Variants in LRP1B observed in about 807,000 individuals in gnomAD.
The protein encoded by LRP1B is low-density lipoprotein receptor-related protein 1B.
LRP1B carries 217 observed loss-of-function variants against 556.6 expected under a neutral mutation model. The ratio of observed to expected loss-of-function variants is 0.39; its 90% CI spans 0.35 to 0.44. The LOEUF (loss-of-function observed/expected upper bound fraction) is 0.44, where lower values mean the gene tolerates loss of function less well. Among genes scored for constraint, LRP1B ranks in the 20% least tolerant of loss-of-function variants. The pLI is 1.00. For missense variants in LRP1B, 5,053 were observed against 5,620.8 expected (o/e 0.90, Z 3.23); for synonymous variants, 2,047 against 1,865.8 (o/e 1.10, Z -2.50).
chr2:141,955,477 T>A (rs56350000), intron 1 of LRP1B, among the ~76,000 whole-genome samples: 1 of 152,100 alleles, frequency 6.6e-6, no homozygotes, highest in East Asian at 1.9e-4. Flanking sequence ...AATGTGGACA[T>A]TGTATAAATG....
At chr2:142,088,401 T>C (rs186750962) in intron 1 of LRP1B, among the ~76,000 whole-genome samples, 6 of 152,326 alleles carry the variant, frequency 3.9e-5, no homozygotes, top group Non-Finnish European at 2.9e-5. Flanking sequence ...TTGTAAATAG[T>C]ACATGAGAAA....
At chr2:140,253,689 T>A (rs2104911950) in intron 86 of LRP1B, among the ~76,000 whole-genome samples, 1 of 152,230 alleles carries the variant, frequency 6.6e-6, no homozygotes, top group Middle Eastern at 3.4e-3. Context: ...TGAAAGCTGA[T>A]GAGGAAGATA....
At chr2:140,374,916 T>C (rs914758524) in intron 68 of LRP1B, among the ~76,000 whole-genome samples, 1 of 152,056 alleles carries the variant, frequency 6.6e-6, no homozygotes, top group Non-Finnish European at 1.5e-5. Flanking sequence ...TATTGTTTGG[T>C]AAAGTAAGGA....
At chr2:140,855,288 C>A (rs1692580425) in intron 27 of LRP1B, among the ~76,000 whole-genome samples, 1 of 147,008 alleles carries the variant, frequency 6.8e-6, no homozygotes, top group African/African-American at 2.5e-5. Context: ...AAACTCCTAA[C>A]TAATCTTTGA....
At chr2:140,633,093 A>G (rs912470677) in intron 41 of LRP1B, among the ~76,000 whole-genome samples, 2 of 151,886 alleles carry the variant, frequency 1.3e-5, no homozygotes, top group Non-Finnish European at 2.9e-5. Context: ...AAAAGAAAAA[A>G]GAAACCCACA....
intron 18 of LRP1B, among the ~76,000 whole-genome samples, chr2:140,967,469 A>G (rs1471364773): frequency 1.3e-5 from 2 of 152,182 alleles, no homozygotes; most frequent in African/African-American, 4.8e-5. Context: ...TAAATATACA[A>G]TCATGTCATC....
intron 83 of LRP1B, among the ~76,000 whole-genome samples, chr2:140,303,614 G>C (rs1683935617): frequency 2.0e-5 from 3 of 152,064 alleles, no homozygotes; most frequent in African/African-American, 7.2e-5. Context: ...TGGTGAAGAT[G>C]TAATTAAAAT....
chr2:141,288,190 C>G (rs957182493), intron 3 of LRP1B, among the ~76,000 whole-genome samples: 9 of 150,252 alleles, frequency 6.0e-5, no homozygotes, highest in African/African-American at 2.0e-4. Flanking sequence ...TCTTTTCTAT[C>G]TTTATAGATT....
intron 1 of LRP1B, among the ~76,000 whole-genome samples, chr2:141,966,120 G>T (rs565666870): frequency 6.6e-6 from 1 of 151,796 alleles, no homozygotes; most frequent in African/African-American, 2.4e-5. Flanking sequence ...ATTAAGTGGA[G>T]CAAGGCTTAT....
chr2:140,748,591 G>GTGTCTA (rs1361412390), intron 35 of LRP1B, among the ~76,000 whole-genome samples: 1 of 73,330 alleles, frequency 1.4e-5, no homozygotes, highest in African/African-American at 5.4e-5. Flanking sequence ...TATACAGTGT[G>GTGTCTA]TATATATATA....
At chr2:141,076,852 G>T (rs1699800253) in intron 7 of LRP1B, among the ~76,000 whole-genome samples, 1 of 152,098 alleles carries the variant, frequency 6.6e-6, no homozygotes. Flanking sequence ...GAATACTCAG[G>T]GATGACTGAG....
At chr2:140,292,600 A>G (rs977665107) in intron 84 of LRP1B, among the ~76,000 whole-genome samples, 2 of 152,110 alleles carry the variant, frequency 1.3e-5, no homozygotes, top group Non-Finnish European at 2.9e-5. Flanking sequence ...AATTTTCTAA[A>G]GGCTAAACTC....
intron 2 of LRP1B, among the ~76,000 whole-genome samples, chr2:141,630,613 C>T (rs1385178482): frequency 2.6e-5 from 4 of 152,154 alleles, no homozygotes; most frequent in East Asian, 3.9e-4. Flanking sequence ...GAAAAAGTCA[C>T]GACAGATGGT....
At chr2:140,278,668 G>A (rs1336830208) in intron 84 of LRP1B, among the ~76,000 whole-genome samples, 1 of 151,904 alleles carries the variant, frequency 6.6e-6, no homozygotes, top group Non-Finnish European at 1.5e-5. Context: ...TGGGAAATAA[G>A]CAAATATTAG....
At chr2:141,534,425 CTT>C (rs990182093) in intron 2 of LRP1B, among the ~76,000 whole-genome samples, 1 of 152,210 alleles carries the variant, frequency 6.6e-6, no homozygotes, top group Admixed American at 6.5e-5. Context: ...CATTTTTACT[CTT>C]TTAAAGGCCT....
chr2:141,631,188 T>G (rs903584564), intron 2 of LRP1B, among the ~76,000 whole-genome samples: 13 of 152,056 alleles, frequency 8.5e-5, no homozygotes, highest in African/African-American at 2.7e-4. Context: ...GAAAAGCCCC[T>G]TATAACCCCA....
At chr2:141,203,831 C>T (rs1421007564) in intron 6 of LRP1B, among the ~76,000 whole-genome samples, 2 of 152,178 alleles carry the variant, frequency 1.3e-5, no homozygotes, top group African/African-American at 4.8e-5. Context: ...AACAAATGGT[C>T]TCTCAGACCA....
At chr2:140,378,644 T>G (rs1683340839) in intron 67 of LRP1B, among the ~76,000 whole-genome samples, 1 of 152,212 alleles carries the variant, frequency 6.6e-6, no homozygotes. Flanking sequence ...GTATTTACTT[T>G]AAGTAAGTAT....
intron 41 of LRP1B, among the ~76,000 whole-genome samples, chr2:140,655,429 A>T (rs777024762): frequency 1.9e-4 from 29 of 152,160 alleles, no homozygotes; most frequent in Admixed American, 9.2e-4. Flanking sequence ...ATACCTCAAT[A>T]ACTGGAATCT....
Sources: allele counts gnomAD v4.1 joint callset (sites outside exome capture counted in the v4.1 genomes callset), GRCh38; gene constraint gnomAD v4.1.1; transcripts MANE v1.5; gene names NCBI Gene and HGNC (gene_info 2026-07-23, HGNC 2026-07-21).